The following KHDRBS2 variants were observed in gnomAD, a reference collection of about 807,000 sequenced individuals.
The protein encoded by KHDRBS2 is KH domain-containing, RNA-binding, signal transduction-associated protein 2.
KHDRBS2 carries 26 observed loss-of-function variants against 44.3 expected under a neutral mutation model. The observed-to-expected ratio is 0.59, with a 90% confidence interval of 0.43 to 0.81. The LOEUF (loss-of-function observed/expected upper bound fraction) is 0.81, where lower values mean the gene tolerates loss of function less well. Ranked by LOEUF, KHDRBS2 falls within the 40% of genes least tolerant of loss-of-function variation. The probability of loss-of-function intolerance (pLI) is 0.00; values close to 1 mark genes in which losing one functional copy is unlikely to be tolerated. For missense variants in KHDRBS2, 476 were observed against 433.1 expected (o/e 1.10, Z -0.88); for synonymous variants, 194 against 151.1 (o/e 1.28, Z -2.08).
At chr6:62,275,008 T>TACACAC (rs145870587) in intron 1 of KHDRBS2, among the ~76,000 whole-genome samples, 9,469 of 142,422 alleles carry the variant, frequency 0.066, 596 homozygotes, top group African/African-American at 0.15. Context: ...GCTCATCAAA[T>TACACAC]ACACACACAC....
the KHDRBS2 span, among the ~76,000 whole-genome samples, chr6:61,569,758 C>A: frequency 6.6e-6 from 1 of 152,168 alleles, no homozygotes; most frequent in Admixed American, 6.5e-5. Context: ...GAACTCTTCA[C>A]AGACATTCTG....
intron 1 of KHDRBS2, among the ~76,000 whole-genome samples, chr6:62,271,663 G>A (rs913008318): frequency 1.2e-4 from 18 of 152,012 alleles, no homozygotes; most frequent in Non-Finnish European, 1.6e-4. Flanking sequence ...TGAAATTGAT[G>A]ATCCTGATCT....
rs1283587225 is a variant in KHDRBS2 at position 61,852,533 on chromosome 6, C to A, written c.810+42102G>T. Among the ~76,000 whole-genome samples, 3 of 149,274 alleles carry A rather than the reference C, an allele frequency of 2.0e-5. No homozygotes were observed. In the Admixed American group the frequency reaches 2.0e-4, roughly 10 times the overall value. ...GAGACGAGATCGCACCACTGCACTC[C>A]AGCCTGGTGACAGAGCGAGACTCCG... On this transcript the variant is annotated intron_variant, in intron 6 of 8. Transcript: ENST00000281156.
At chr6:61,550,020 T>C in the KHDRBS2 span, among the ~76,000 whole-genome samples, 3 of 152,214 alleles carry the variant, frequency 2.0e-5, no homozygotes, top group Non-Finnish European at 4.4e-5. Context: ...TTAATCCCTC[T>C]ATGCACAGAG....
At chr6:62,016,891 C>A (rs564101307) in intron 3 of KHDRBS2, among the ~76,000 whole-genome samples, 1 of 151,936 alleles carries the variant, frequency 6.6e-6, no homozygotes, top group African/African-American at 2.4e-5. Flanking sequence ...GTCAGTAAAC[C>A]CTTTGTTTCT....
In KHDRBS2 at chr6:61,915,670, A is replaced by G. The variant is rs549673101; in HGVS notation, c.484-14299T>C. ...GCTGCAAAGTCAGTGAGGGAAACAG[A>G]AAAGAATATTTTTAAAAACCAGATT... is the stretch of plus-strand genomic sequence containing the variant. On this transcript the variant is annotated intron_variant, in intron 4 of 8. Coordinates refer to ENST00000281156, the MANE Select transcript of KHDRBS2 (RefSeq NM_152688.4). Among the ~76,000 whole-genome samples the G allele has an allele frequency of 1.8e-3, 276 of 152,192 alleles. 1 individual carries two copies. Among genetic ancestry groups the G allele is most frequent in the African/African-American group, 6.3e-3 (260 of 41,556 alleles).
intron 6 of KHDRBS2, among the ~76,000 whole-genome samples, chr6:61,744,558 G>A (rs917607604): frequency 6.6e-6 from 1 of 152,076 alleles, no homozygotes. Context: ...ACCAAGAGAT[G>A]AGCAAAACAC....
At chr6:62,128,052 A>G (rs1404403988) in intron 2 of KHDRBS2, among the ~76,000 whole-genome samples, 4 of 152,172 alleles carry the variant, frequency 2.6e-5, no homozygotes, top group Non-Finnish European at 5.9e-5. Context: ...GTCCCTTTAC[A>G]TGATTCTAAT....
At chr6:61,621,811 C>A in the KHDRBS2 span, among the ~76,000 whole-genome samples, 2 of 152,142 alleles carry the variant, frequency 1.3e-5, no homozygotes, top group Non-Finnish European at 2.9e-5. Context: ...CACATTTTAA[C>A]AGATTGGAAA....
At chr6:61,905,868 T>TTC (rs1804906103) in intron 4 of KHDRBS2, among the ~76,000 whole-genome samples, 3 of 147,976 alleles carry the variant, frequency 2.0e-5, no homozygotes, top group African/African-American at 5.0e-5. Flanking sequence ...TTTTTTTTTT[T>TTC]TTTTTGAGAT....
intron 1 of KHDRBS2, among the ~76,000 whole-genome samples, chr6:62,239,021 A>G (rs1834156024): frequency 6.6e-6 from 1 of 152,188 alleles, no homozygotes; most frequent in Non-Finnish European, 1.5e-5. Context: ...AAAGACAAAG[A>G]TGTTAGGGAT....
At chr6:61,752,427 T>G (rs1777836231) in intron 6 of KHDRBS2, among the ~76,000 whole-genome samples, 1 of 152,134 alleles carries the variant, frequency 6.6e-6, no homozygotes, top group Admixed American at 6.5e-5. Flanking sequence ...CTAGTCTCTT[T>G]CCATTAAATC....
intron 2 of KHDRBS2, among the ~76,000 whole-genome samples, chr6:62,115,875 AG>A (rs1011380102): frequency 4.6e-5 from 7 of 152,162 alleles, no homozygotes; most frequent in African/African-American, 9.6e-5. Flanking sequence ...AGAAAAAGAA[AG>A]GCCCAATATT....
At chr6:61,543,069 A>G in the KHDRBS2 span, among the ~76,000 whole-genome samples, 1 of 152,006 alleles carries the variant, frequency 6.6e-6, no homozygotes, top group Non-Finnish European at 1.5e-5. Context: ...TTTCTTGAGT[A>G]ATACTCCACA....
At chr6:61,953,841 G>A (rs553638674) in intron 4 of KHDRBS2, among the ~76,000 whole-genome samples, 12 of 152,126 alleles carry the variant, frequency 7.9e-5, no homozygotes, top group Non-Finnish European at 1.6e-4. Context: ...GTGAGGGGAA[G>A]GGCATGGGCC....
chr6:62,073,399 C>T (rs1319579859), intron 2 of KHDRBS2, among the ~76,000 whole-genome samples: 4 of 151,560 alleles, frequency 2.6e-5, no homozygotes, highest in Admixed American at 6.6e-5. Context: ...AAGGTTACTA[C>T]TAATGTCCCA....
intron 2 of KHDRBS2, among the ~76,000 whole-genome samples, chr6:62,092,279 T>A (rs1799635309): frequency 6.6e-6 from 1 of 152,148 alleles, no homozygotes; most frequent in East Asian, 1.9e-4. Context: ...CAGTCTACAG[T>A]ACCACAAAGA....
Position 61,735,267 on chromosome 6 carries a change from A to AT in KHDRBS2, c.811-2504dup, listed in dbSNP as rs148404421. 8.8e-3 allele frequency among the ~76,000 whole-genome samples: 1,332 copies of AT among 151,866 alleles called. 17 individuals are homozygous for AT. Among genetic ancestry groups the AT allele is most frequent in the African/African-American group, 0.03 (1,262 of 41,496 alleles). On this transcript the variant is annotated intron_variant, in intron 6 of 8. Transcript: ENST00000281156. Reference sequence around the variant, plus strand: ...CTCATTTGTGTTATCTTATATATATATTTTTTAAGAAACCATTTGCAAATT... The same window carrying AT: ...CTCATTTGTGTTATCTTATATATATATTTTTTTAAGAAACCATTTGCAAATT...
chr6:61,953,267 C>T (rs9453717), intron 4 of KHDRBS2, among the ~76,000 whole-genome samples: 3,925 of 151,956 alleles, frequency 0.026, 177 homozygotes, highest in African/African-American at 0.09. Flanking sequence ...TTAAATGATG[C>T]CATCCAAGAC....
Sources: gnomAD v4.1 joint callset for allele counts (sites outside exome capture counted in the v4.1 genomes callset) on GRCh38, gnomAD v4.1.1 for gene constraint, MANE v1.5 for transcripts, NCBI Gene and HGNC (gene_info 2026-07-23, HGNC 2026-07-21) for gene names.